Variants in DNAH8 observed in about 807,000 individuals in gnomAD.
DNAH8 encodes the protein dynein axonemal heavy chain 8.
DNAH8 carries 382 observed loss-of-function variants against 562.1 expected under a neutral mutation model. The observed-to-expected ratio is 0.68, with a 90% CI of 0.63 to 0.74. The LOEUF is 0.74. Among genes scored for constraint, DNAH8 ranks in the 30% least tolerant of loss-of-function variants. The pLI, the probability that DNAH8 is intolerant of heterozygous loss-of-function variation, is 0.00. For synonymous variants in DNAH8, 1,881 were observed against 1,919.4 expected, an observed-to-expected ratio of 0.98 and a Z score of 0.52; for missense variants, 5,203 against 5,620.4, an observed-to-expected ratio of 0.93 and a Z score of 2.37.
At position 38,854,357 on chromosome 6, in the gene DNAH8, A is replaced by C. The variant is rs116525648; in HGVS notation, c.5733+1010A>C. Among the ~76,000 whole-genome samples, 746 of 152,276 alleles carry C rather than the reference A, an allele frequency of 4.9e-3. 4 individuals carry two copies. The highest frequency in any genetic ancestry group is 0.017 in the African/African-American group (708 of 41,556). Reference sequence around the variant, plus strand: ...ATGGGATAAAAGGCAAGAGATATCCAAGGAAAACGTAGGCAATTTTTGCCC... The same window carrying C: ...ATGGGATAAAAGGCAAGAGATATCCCAGGAAAACGTAGGCAATTTTTGCCC... On this transcript the variant is annotated intron_variant, in intron 41 of 92. Transcript: ENST00000327475.
At chr6:38,759,672 C>A (rs188291260) in intron 10 of DNAH8, among the ~76,000 whole-genome samples, 1 of 152,144 alleles carries the variant, frequency 6.6e-6, no homozygotes, top group African/African-American at 2.4e-5. Flanking sequence ...TTAGCAAGAA[C>A]CCCCCATTCT....
chr6:39,029,045 A>T (rs1241845491), intron 92 of DNAH8, among the ~76,000 whole-genome samples: 2 of 152,110 alleles, frequency 1.3e-5, no homozygotes, highest in East Asian at 1.9e-4. Context: ...AGCTGGCATG[A>T]TTGTTGGAGC....
chr6:38,770,239 T>C (rs1299178521), intron 11 of DNAH8, among the ~76,000 whole-genome samples, 174 bp from the exon 12 acceptor site: 1 of 151,664 alleles, frequency 6.6e-6, no homozygotes, highest in East Asian at 1.9e-4. Flanking sequence ...AGGAAAACAA[T>C]GAGGATGAAT....
intron 29 of DNAH8, 69 bp from the exon 30 acceptor site, chr6:38,828,115 G>A: frequency 1.1e-6 from 1 of 951,172 alleles, no homozygotes; most frequent in African/African-American, 1.7e-5. Flanking sequence ...TGTGTTTCTA[G>A]AAGGCGTCTA....
At chr6:38,775,392 G>C (rs755748751) in intron 12 of DNAH8, among the ~76,000 whole-genome samples, 34 of 152,162 alleles carry the variant, frequency 2.2e-4, no homozygotes, top group Non-Finnish European at 4.4e-4. Context: ...CAAACAGCAT[G>C]GTGGAGCTTT....
At chr6:38,788,372 G>C (rs186144374) in intron 18 of DNAH8, among the ~76,000 whole-genome samples, 158 of 152,142 alleles carry the variant, frequency 1.0e-3, no homozygotes, top group Non-Finnish European at 2.0e-3. Flanking sequence ...GGATGGTCTC[G>C]ATCTCTTGAC....
chr6:38,782,256 G>T (rs1194109285), intron 16 of DNAH8, among the ~76,000 whole-genome samples: 1 of 147,094 alleles, frequency 6.8e-6, no homozygotes, highest in African/African-American at 2.5e-5. Flanking sequence ...TTTAAATAAA[G>T]AAATTTTATT....
chr6:38,960,002 A>G (rs969958021), intron 82 of DNAH8, among the ~76,000 whole-genome samples: 1 of 152,134 alleles, frequency 6.6e-6, no homozygotes, highest in Non-Finnish European at 1.5e-5. Context: ...GTTGCCTAGA[A>G]CATGTAATGA....
chr6:38,924,124 A>G lies in DNAH8; in HGVS notation c.10924A>G (p.Asn3642Asp). The change falls in exon 73 of 93, where the codon AAC becomes GAC. Residue 3642 changes from asparagine to aspartate, a missense_variant. Physicochemically the swap from Asn to Asp is conservative, Grantham distance 23 (BLOSUM62 1). This residue lies in a region of DNAH8 where 1,399 missense variants were observed against 1,518.4 expected (regional missense o/e 0.92). Transcript: ENST00000327475. Reference sequence around the variant, plus strand: ...AGCACGGAAAATTCCTTTCACAGAAAACCTGAATCTTATTTCAATGTTGGT... The same window carrying G: ...AGCACGGAAAATTCCTTTCACAGAAGACCTGAATCTTATTTCAATGTTGGT... The part of the protein sequence containing the change: ...LRARKIPFTE[N>D]LNLISMLVDP... 1 of 1,614,012 alleles carries G rather than the reference A, an allele frequency of 6.2e-7. No homozygotes were observed.
chr6:38,800,768 C>A (rs72849984), intron 21 of DNAH8, among the ~76,000 whole-genome samples: 20 of 152,246 alleles, frequency 1.3e-4, no homozygotes, highest in African/African-American at 4.6e-4. Flanking sequence ...CTGCCTCCCC[C>A]TCAAGTGCCT....
In DNAH8 at chr6:38,786,955, A is replaced by C. The variant is rs765187540; in HGVS notation, c.2583+3A>C. ...AAGCAGACAAACTGTATTTGCAGGT[A>C]AGATAGATTATGTTTTCTAATTATT... On this transcript the variant is annotated splice_donor_region_variant and intron_variant, in intron 18 of 92. Transcript: ENST00000327475. The C allele has an allele frequency of 6.3e-7, 1 of 1,575,476 alleles. No homozygotes were observed. The highest frequency in any genetic ancestry group is 8.6e-7 in the Non-Finnish European group (1 of 1,163,196).
In DNAH8 at chr6:38,775,764, T is replaced by C; in HGVS notation, c.1775T>C (p.Met592Thr). 1 of 1,582,038 alleles carries C rather than the reference T, an allele frequency of 6.3e-7. No individual in the cohort carries two copies. The highest frequency in any genetic ancestry group is 8.6e-7 in the Non-Finnish European group (1 of 1,157,372). The change falls in exon 13 of 93, where the codon ATG becomes ACG. Residue 592 changes from methionine to threonine, a missense_variant. By Grantham distance (81) the Met-to-Thr change is moderately conservative (BLOSUM62 -1). Coordinates refer to ENST00000327475, the MANE Select transcript of DNAH8 (RefSeq NM_001206927.2). Reference protein sequence around the residue: ...FCKRLEKITEMITVVQTYSTL... With the variant: ...FCKRLEKITETITVVQTYSTL... ...ATTTCTCTTTTTAAGATTACAGAAA[T>C]GATAACTGTTGTGCAAACATATTCA...
intron 87 of DNAH8, among the ~76,000 whole-genome samples, chr6:38,985,362 C>T (rs528742462): frequency 7.9e-5 from 12 of 152,212 alleles, no homozygotes; most frequent in Admixed American, 2.0e-4. Context: ...GAACCTATAC[C>T]GGTAATTCTC....
At chr6:38,779,164 T>C (rs1768343135) in intron 14 of DNAH8, among the ~76,000 whole-genome samples, 1 of 152,128 alleles carries the variant, frequency 6.6e-6, no homozygotes, top group South Asian at 2.1e-4. Flanking sequence ...AAGACCTGTG[T>C]CAGGGACGCT....
rs923669094 is a variant in DNAH8 at position 38,843,699 on chromosome 6, G to A, written c.4845+796G>A. Among the ~76,000 whole-genome samples the A allele has an allele frequency of 3.3e-5, 5 of 152,038 alleles. No individual in the cohort carries two copies. In the East Asian group the frequency reaches 5.8e-4, roughly 18 times the overall value. ...ATTTCACCTGGACTGAATTTTTGCT[G>A]TGATTGTTTTTTATGTTGGCTATCC... On this transcript the variant is annotated intron_variant, in intron 35 of 92. Transcript: ENST00000327475.
At chr6:38,775,978 A>G in intron 13 of DNAH8, 27 bp downstream of exon 13, 1 of 1,475,978 alleles carries the variant, frequency 6.8e-7, no homozygotes, top group East Asian at 2.3e-5. Context: ...ACTTTTACTT[A>G]GTAAAGCTGA....
chr6:38,743,752 C>G (rs1764705993), intron 8 of DNAH8, among the ~76,000 whole-genome samples: 1 of 152,040 alleles, frequency 6.6e-6, no homozygotes. Context: ...ATGAATATAC[C>G]ACATTTTGTT....
At chr6:38,764,000 A>C (rs1022231868) in intron 11 of DNAH8, 1 of 153,412 alleles carries the variant, frequency 6.5e-6, no homozygotes, top group Non-Finnish European at 1.5e-5. Context: ...AGGAAAAGAC[A>C]AACCTTCAAA....
chr6:38,862,748 CA>C (rs1183046097), intron 44 of DNAH8, among the ~76,000 whole-genome samples: 1 of 152,050 alleles, frequency 6.6e-6, no homozygotes, highest in Non-Finnish European at 1.5e-5. Flanking sequence ...ATCAAAATAG[CA>C]AACAGGGGAC....
Sources: gnomAD v4.1 joint callset for allele counts (sites outside exome capture counted in the v4.1 genomes callset) on GRCh38, gnomAD v4.1.1 for gene constraint, gnomAD v4.1.1 regional missense constraint, MANE v1.5 for transcripts, NCBI Gene and HGNC (gene_info 2026-07-23, HGNC 2026-07-21) for gene names.